The following FAM135A variants were observed in gnomAD, a reference collection of about 807,000 sequenced individuals.
FAM135A encodes protein FAM135A.
In FAM135A, 79 loss-of-function variants were observed where a neutral mutation model predicts 146.8. The ratio of observed to expected loss-of-function variants is 0.54; its 90% CI spans 0.45 to 0.65. FAM135A has a LOEUF of 0.65. Among genes scored for constraint, FAM135A ranks in the 30% least tolerant of loss-of-function variants. The pLI is 0.00. For synonymous variants in FAM135A, 562 were observed against 603.6 expected (o/e 0.93, Z 1.01); for missense variants, 1,623 against 1,758.2 (o/e 0.92, Z 1.38).
chr6:70,450,504 C>T (rs1582197146), intron 4 of FAM135A, among the ~76,000 whole-genome samples: 1 of 151,998 alleles, frequency 6.6e-6, no homozygotes, highest in South Asian at 2.1e-4. Flanking sequence ...GTTTTCCCCA[C>T]ACCATTTATT....
chr6:70,413,836 C>G, intron 1 of FAM135A, 134 bp downstream of exon 1: 1 of 985,532 alleles, frequency 1.0e-6, no homozygotes, highest in South Asian at 4.7e-5. Context: ...CGGCCCCTCA[C>G]CCGACTGCTG....
intron 11 of FAM135A, among the ~76,000 whole-genome samples, chr6:70,495,254 C>G (rs928380805): frequency 6.6e-6 from 1 of 152,154 alleles, no homozygotes; most frequent in Non-Finnish European, 1.5e-5. Flanking sequence ...TAAACACTTT[C>G]CATAAATTCT....
At chr6:70,543,114 AATG>A (rs1203734538) in intron 20 of FAM135A, among the ~76,000 whole-genome samples, 1 of 152,204 alleles carries the variant, frequency 6.6e-6, no homozygotes, top group Non-Finnish European at 1.5e-5. Context: ...CAAATGAATC[AATG>A]ATATTTTTAA....
chr6:70,526,233 A>G lies in FAM135A; in HGVS notation c.3149A>G (p.Asp1050Gly). ...ENYFGSQSST[D>G]ISDTCAVSYS... ...TATTTTGGTTCTCAAAGCAGTACGG[A>G]TATTTCTGACACATGTGCTGTTAGC... is the stretch of plus-strand genomic sequence containing the variant. Residue 1050 changes from aspartate (D) to glycine (G), a missense_variant, in exon 15 of 22, where the codon GAT (aspartate) becomes GGT (glycine). Physicochemically the swap from Asp to Gly is moderately conservative, Grantham distance 94 (BLOSUM62 -1). Coordinates refer to ENST00000418814, the MANE Select transcript of FAM135A (RefSeq NM_001162529.3). 10 of 1,613,586 alleles carry G rather than the reference A, an allele frequency of 6.2e-6. No homozygotes were observed. The highest frequency in any genetic ancestry group is 8.5e-6 in the Non-Finnish European group (10 of 1,179,662).
In FAM135A at chr6:70,502,675, A is replaced by G. The variant is rs745381759; in HGVS notation, c.913A>G (p.Met305Val). The change falls in exon 12 of 22, where the codon ATG (methionine) becomes GTG (valine). Residue 305 changes from methionine to valine, a missense_variant. This residue lies in a region of FAM135A where 206 missense variants were observed against 194.7 expected (regional missense o/e 1.06). Transcript: ENST00000418814. Reference protein sequence around the residue: ...NPDELAELINMNLAQLCSLLM... With the variant: ...NPDELAELINVNLAQLCSLLM... The stretch of plus-strand genomic sequence containing the variant: ...TGATGAACTGGCAGAACTTATAAAT[A>G]TGAATCTTGCGCAACTTTGCTCACT... 1 of 1,612,920 alleles carries G rather than the reference A, an allele frequency of 6.2e-7. No individual in the cohort carries two copies. Among genetic ancestry groups the G allele is most frequent in the Non-Finnish European group, 8.5e-7 (1 of 1,179,482 alleles).
chr6:70,462,198 A>G (rs913468817), intron 5 of FAM135A, among the ~76,000 whole-genome samples: 1 of 152,162 alleles, frequency 6.6e-6, no homozygotes, highest in African/African-American at 2.4e-5. Context: ...TTTTCTCTCC[A>G]ATGAGATAGC....
Position 70,522,193 on chromosome 6 carries a change from A to G in FAM135A, c.1030-320A>G, listed in dbSNP as rs537622496. ...CAGCCTCCCAGAGTTCTGGGATTAC[A>G]GGTGTGAGGCACCACGCCTGGCCCA... is the stretch of plus-strand genomic sequence containing the variant. On this transcript the variant is annotated intron_variant, in intron 12 of 21. Transcript: ENST00000418814. 3.3e-4 allele frequency among the ~76,000 whole-genome samples: 51 copies of G among 152,346 alleles called. No individual in the cohort carries two copies. The South Asian group carries it at 9.7e-3, about 29-fold the overall frequency.
intron 4 of FAM135A, among the ~76,000 whole-genome samples, chr6:70,428,738 C>T (rs957921966): frequency 1.3e-5 from 2 of 152,042 alleles, no homozygotes; most frequent in African/African-American, 4.8e-5. Flanking sequence ...GACATGCATA[C>T]AAAGCAACTA....
intron 10 of FAM135A, among the ~76,000 whole-genome samples, chr6:70,488,629 C>T (rs1383315285): frequency 6.6e-6 from 1 of 152,096 alleles, no homozygotes; most frequent in Non-Finnish European, 1.5e-5. Context: ...TACTTACCAA[C>T]TAATGGCCTA....
At chr6:70,549,385 G>A (rs1217332684) in intron 20 of FAM135A, among the ~76,000 whole-genome samples, 5 of 151,984 alleles carry the variant, frequency 3.3e-5, no homozygotes, top group East Asian at 1.9e-4. Flanking sequence ...ACATAAAATA[G>A]TATAAATACT....
At chr6:70,526,766 TACACACACACACACACACAC>T (rs71538422) in intron 15 of FAM135A, 68 bp downstream of exon 15, 2 of 452,692 alleles carry the variant, frequency 4.4e-6, no homozygotes, top group Non-Finnish European at 7.4e-6. Context: ...CACACACACA[TACACACACACACACACACAC>T]ACACACACAC....
intron 13 of FAM135A, among the ~76,000 whole-genome samples, chr6:70,523,399 A>G (rs138814050): frequency 1.3e-5 from 2 of 152,314 alleles, no homozygotes; most frequent in African/African-American, 4.8e-5. Context: ...TAACTGTTGA[A>G]GTTCGGAGGT....
intron 4 of FAM135A, among the ~76,000 whole-genome samples, chr6:70,447,542 T>C (rs1360857566): frequency 6.6e-6 from 1 of 152,184 alleles, no homozygotes; most frequent in African/African-American, 2.4e-5. Context: ...GGCTCACAGC[T>C]TTTGTGCAGC....
chr6:70,531,888 CTTTTTTT>C (rs869128532), intron 16 of FAM135A, among the ~76,000 whole-genome samples: 13 of 85,734 alleles, frequency 1.5e-4, no homozygotes, highest in East Asian at 3.8e-4. Flanking sequence ...AAACTGATTT[CTTTTTTT>C]TTTTTTTTTT....
intron 5 of FAM135A, among the ~76,000 whole-genome samples, chr6:70,459,700 A>T (rs560083890): frequency 1.3e-5 from 2 of 152,156 alleles, no homozygotes; most frequent in South Asian, 4.1e-4. Flanking sequence ...CTGGAAAAAA[A>T]TTTTTTATCA....
intron 5 of FAM135A, among the ~76,000 whole-genome samples, chr6:70,454,494 C>T (rs1410303455): frequency 6.6e-6 from 1 of 152,130 alleles, no homozygotes; most frequent in African/African-American, 2.4e-5. Flanking sequence ...TGCCCATGTC[C>T]TGAATGGTAT....
At chr6:70,542,276 ACC>A (rs1554168225) in intron 20 of FAM135A, among the ~76,000 whole-genome samples, 1 of 149,014 alleles carries the variant, frequency 6.7e-6, no homozygotes, top group African/African-American at 2.5e-5. Context: ...ACACACACAC[ACC>A]CTTTGCTGTG....
intron 20 of FAM135A, among the ~76,000 whole-genome samples, chr6:70,541,389 T>G (rs1797890899): frequency 6.6e-6 from 1 of 152,198 alleles, no homozygotes; most frequent in Non-Finnish European, 1.5e-5. Flanking sequence ...GTGATCTCTT[T>G]GCTTTTATTT....
At chr6:70,429,049 C>T (rs1218155103) in intron 4 of FAM135A, among the ~76,000 whole-genome samples, 2 of 152,096 alleles carry the variant, frequency 1.3e-5, no homozygotes, top group Admixed American at 6.5e-5. Flanking sequence ...AGACGTCTTT[C>T]TGGTTTAGTA....
Sources: gnomAD v4.1 joint callset for allele counts (sites outside exome capture counted in the v4.1 genomes callset) on GRCh38, gnomAD v4.1.1 for gene constraint, gnomAD v4.1.1 regional missense constraint, MANE v1.5 for transcripts, NCBI Gene and HGNC (gene_info 2026-07-23, HGNC 2026-07-21) for gene names.